ANKS1B: variants seen among roughly 807,000 people sequenced by gnomAD.
The protein encoded by ANKS1B is ankyrin repeat and sterile alpha motif domain containing 1B.
A neutral mutation model predicts 148.3 loss-of-function variants in ANKS1B; 36 were observed. The ratio of observed to expected loss-of-function variants is 0.24; its 90% CI spans 0.19 to 0.32. The LOEUF (loss-of-function observed/expected upper bound fraction) is 0.32, where lower values mean the gene tolerates loss of function less well. Among genes scored for constraint, ANKS1B ranks in the 10% least tolerant of loss-of-function variants. The pLI, the probability that ANKS1B is intolerant of heterozygous loss-of-function variation, is 1.00. For synonymous variants in ANKS1B, 542 were observed against 560.8 expected, an observed-to-expected ratio of 0.97 and a Z score of 0.47; for missense variants, 1,157 against 1,542.6, an observed-to-expected ratio of 0.75 and a Z score of 4.19.
intron 17 of ANKS1B, among the ~76,000 whole-genome samples, chr12:98,839,250 T>A (rs1169925466): frequency 1.3e-5 from 2 of 152,170 alleles, no homozygotes; most frequent in Non-Finnish European, 2.9e-5. Context: ...ACCACCATGT[T>A]ATGCAATTTG....
intron 9 of ANKS1B, among the ~76,000 whole-genome samples, chr12:99,532,911 T>C (rs556143880): frequency 3.9e-4 from 60 of 152,214 alleles, no homozygotes; most frequent in Non-Finnish European, 8.1e-4. Context: ...ACCATGTTAT[T>C]TTGGTTACTA....
At position 99,010,735 on chromosome 12, in the gene ANKS1B, CATT is replaced by C. The variant is rs1004546325; in HGVS notation, c.2778+42419_2778+42421del. On this transcript the variant is annotated intron_variant, in intron 17 of 26. Transcript: ENST00000683438. ...ACAGGCAGATTAAGAACAACTCCAG[CATT>C]ATTATTATTATTATTATTATTATTT... Among the ~76,000 whole-genome samples, 18 of 149,030 alleles carry C rather than the reference CATT, an allele frequency of 1.2e-4. 1 individual carries two copies. Among genetic ancestry groups the C allele is most frequent in the Admixed American group, 3.3e-4 (5 of 14,926 alleles).
chr12:99,639,098 A>G (rs1346130656), intron 9 of ANKS1B, among the ~76,000 whole-genome samples: 1 of 152,212 alleles, frequency 6.6e-6, no homozygotes, highest in East Asian at 1.9e-4. Flanking sequence ...CTGATAGGGC[A>G]GTGTGAAAGG....
intron 17 of ANKS1B, among the ~76,000 whole-genome samples, chr12:98,966,797 C>T (rs1751262923): frequency 6.7e-6 from 1 of 149,278 alleles, no homozygotes; most frequent in Non-Finnish European, 1.5e-5. Context: ...GGATAAAAAA[C>T]CAAACACCGC....
At chr12:99,058,788 A>AGT (rs1182090437) in intron 16 of ANKS1B, among the ~76,000 whole-genome samples, 1 of 121,886 alleles carries the variant, frequency 8.2e-6, no homozygotes, top group Non-Finnish European at 1.6e-5. Flanking sequence ...CCCAGGCTGG[A>AGT]GTGCAGTGGC....
intron 8 of ANKS1B, among the ~76,000 whole-genome samples, chr12:99,724,087 G>A (rs2058377256): frequency 6.6e-6 from 1 of 152,078 alleles, no homozygotes. Flanking sequence ...AAAGGCCAGA[G>A]TGCCTCTTCT....
chr12:99,060,608 A>G (rs2153557922), intron 16 of ANKS1B, among the ~76,000 whole-genome samples: 1 of 151,834 alleles, frequency 6.6e-6, no homozygotes, highest in South Asian at 2.1e-4. Flanking sequence ...TCTGTTATAT[A>G]TATGTGGTTA....
chr12:99,467,583 C>T (rs1264590468), intron 10 of ANKS1B, among the ~76,000 whole-genome samples: 2 of 152,206 alleles, frequency 1.3e-5, no homozygotes, highest in Non-Finnish European at 2.9e-5. Context: ...TAAGCAACTT[C>T]AGCAAAGTCT....
In ANKS1B at chr12:98,761,060, C is replaced by A. The variant is rs534898838; in HGVS notation, c.3580-9538G>T. ...CTTACAGAGGAGGAATGACCATCCT[C>A]ATTTTACGTGTGAGAAACTAAGGAT... is the stretch of plus-strand genomic sequence containing the variant. On this transcript the variant is annotated intron_variant, in intron 25 of 26. Coordinates refer to ENST00000683438, the MANE Select transcript of ANKS1B (RefSeq NM_001352186.2). Among the ~76,000 whole-genome samples, 54 of 152,204 alleles carry A rather than the reference C, an allele frequency of 3.5e-4. 1 individual carries two copies. Among genetic ancestry groups the A allele is most frequent in the Non-Finnish European group, 7.3e-5 (5 of 68,030 alleles).
At chr12:99,137,265 C>A (rs2153783245) in intron 15 of ANKS1B, among the ~76,000 whole-genome samples, 1 of 152,228 alleles carries the variant, frequency 6.6e-6, no homozygotes, top group Admixed American at 6.5e-5. Flanking sequence ...TCTTTGACAC[C>A]AGAAGTCACC....
At chr12:99,723,113 T>A (rs1387494320) in intron 8 of ANKS1B, among the ~76,000 whole-genome samples, 1 of 152,144 alleles carries the variant, frequency 6.6e-6, no homozygotes. Flanking sequence ...TCAGCTAGAC[T>A]CTGCTTAAGC....
chr12:98,871,808 G>A (rs2099670807), intron 17 of ANKS1B, among the ~76,000 whole-genome samples: 1 of 152,020 alleles, frequency 6.6e-6, no homozygotes, highest in Non-Finnish European at 1.5e-5. Flanking sequence ...TGGAATTTAA[G>A]CAACGTGAAA....
chr12:99,665,918 T>A (rs2098504522), intron 8 of ANKS1B, among the ~76,000 whole-genome samples: 1 of 152,232 alleles, frequency 6.6e-6, no homozygotes, highest in Non-Finnish European at 1.5e-5. Flanking sequence ...TTCCTATATT[T>A]TCTTCCATAA....
In ANKS1B at chr12:99,292,635, A is replaced by G. The variant is rs183557121; in HGVS notation, c.1757-45771T>C. ...GGCTAATATCCAGAATCTACAAAGA[A>G]CTCCAACAAATTTACAAGAAAAAAA... On this transcript the variant is annotated intron_variant, in intron 12 of 26. Coordinates refer to ENST00000683438, the MANE Select transcript of ANKS1B (RefSeq NM_001352186.2). Among the ~76,000 whole-genome samples, 199 of 152,154 alleles carry G rather than the reference A, an allele frequency of 1.3e-3. 1 individual carries two copies. The highest frequency in any genetic ancestry group is 2.1e-3 in the Non-Finnish European group (142 of 68,016).
chr12:99,266,206 C>T (rs1382110063), intron 12 of ANKS1B, among the ~76,000 whole-genome samples: 1 of 152,022 alleles, frequency 6.6e-6, no homozygotes, highest in African/African-American at 2.4e-5. Flanking sequence ...CCAAAACATT[C>T]CAGTGACATA....
At chr12:99,963,748 T>C (rs2095447904) in intron 1 of ANKS1B, among the ~76,000 whole-genome samples, 1 of 152,232 alleles carries the variant, frequency 6.6e-6, no homozygotes, top group African/African-American at 2.4e-5. Context: ...TCCTGGTTCA[T>C]TTGAAGCAAT....
At chr12:99,363,130 C>T (rs1222208240) in intron 12 of ANKS1B, among the ~76,000 whole-genome samples, 2 of 151,928 alleles carry the variant, frequency 1.3e-5, no homozygotes. Context: ...AGACTCCTTC[C>T]TCTACTTAGC....
intron 17 of ANKS1B, among the ~76,000 whole-genome samples, chr12:98,923,587 G>C (rs894084340): frequency 5.9e-5 from 9 of 152,150 alleles, no homozygotes; most frequent in Non-Finnish European, 1.3e-4. Context: ...TAGTTGAATG[G>C]AGTACCTACA....
chr12:98,757,823 G>A (rs988406531), intron 25 of ANKS1B, among the ~76,000 whole-genome samples: 3 of 152,208 alleles, frequency 2.0e-5, no homozygotes, highest in Non-Finnish European at 4.4e-5. Context: ...ACTTGCTTTG[G>A]TCTTTCTAGC....
Sources: gnomAD v4.1 joint callset for allele counts (sites outside exome capture counted in the v4.1 genomes callset) on GRCh38, gnomAD v4.1.1 for gene constraint, MANE v1.5 for transcripts, NCBI Gene and HGNC (gene_info 2026-07-23, HGNC 2026-07-21) for gene names.